The following GRHL3 variants were observed in gnomAD, a reference collection of about 807,000 sequenced individuals.
The protein encoded by GRHL3 is grainyhead like transcription factor 3, also known as grainyhead-like protein 3 homolog.
In GRHL3, 20 loss-of-function variants were observed where a neutral mutation model predicts 70.3. The ratio of observed to expected loss-of-function variants is 0.28; its 90% CI spans 0.20 to 0.41. The LOEUF is 0.41. Among genes scored for constraint, GRHL3 ranks in the 10% least tolerant of loss-of-function variants. The pLI, the probability that GRHL3 is intolerant of heterozygous loss-of-function variation, is 1.00. For synonymous variants in GRHL3, 299 were observed against 299.9 expected (o/e 1.00, Z 0.03); for missense variants, 637 against 762.3 (o/e 0.84, Z 1.94).
chr1:24,319,902 C>T (rs1402799882), intron 1 of GRHL3: 4 of 416,764 alleles, frequency 9.6e-6, no homozygotes, highest in South Asian at 2.6e-5. Flanking sequence ...CCAATCCCAT[C>T]GAGGCTTTCT....
At chr1:24,339,871 C>A in intron 8 of GRHL3, 109 bp downstream of exon 8, 1 of 658,908 alleles carries the variant, frequency 1.5e-6, no homozygotes, top group Non-Finnish European at 2.6e-6. Flanking sequence ...CCGACGAGGG[C>A]ACTCATGGAG....
intron 11 of GRHL3, among the ~76,000 whole-genome samples, chr1:24,344,485 GAAAAAAAAAAAAAAAAA>G (rs57193515): frequency 1.8e-5 from 1 of 55,794 alleles, no homozygotes; most frequent in South Asian, 1.0e-3. Flanking sequence ...TTTCCCCCCA[GAAAAAAAAAAAAAAAAA>G]AAAAAAAAAA....
chr1:24,337,271 A>G, intron 5 of GRHL3, 120 bp downstream of exon 5: 1 of 687,490 alleles, frequency 1.5e-6, no homozygotes, highest in Non-Finnish European at 2.5e-6. Context: ...TGGGGGATGA[A>G]GGCAGATAGA....
At chr1:24,320,398 T>C (rs1639134863) in intron 1 of GRHL3, among the ~76,000 whole-genome samples, 1 of 152,218 alleles carries the variant, frequency 6.6e-6, no homozygotes, top group South Asian at 2.1e-4. Flanking sequence ...GACTGACTGA[T>C]GCTGATCTTC....
In GRHL3 at chr1:24,322,463, G is replaced by T. The variant is rs1487022133; in HGVS notation, c.17+2895G>T. On this transcript the variant is annotated intron_variant, in intron 1 of 15. Transcript: ENST00000361548. The surrounding 1 kb of genome is among the most constrained non-coding windows in gnomAD (Gnocchi z 4.4). The stretch of plus-strand genomic sequence containing the variant: ...ATTGCCAGGAGCAAATTTTTGTCGT[G>T]CACGAGGTGTGTTATTAAAAGTCGG... 1.3e-5 allele frequency among the ~76,000 whole-genome samples: 2 copies of T among 152,258 alleles called. No individual in the cohort carries two copies. Among genetic ancestry groups the T allele is most frequent in the African/African-American group, 4.8e-5 (2 of 41,472 alleles).
chr1:24,364,147 A>G, intron 15 of GRHL3: 1 of 1,470,140 alleles, frequency 6.8e-7, no homozygotes, highest in Non-Finnish European at 9.0e-7. Context: ...TTCCCTGCAA[A>G]CTCGAATTCA....
Position 24,354,521 on chromosome 1 carries a change from C to G in GRHL3, c.*33C>G. 2.2e-6 allele frequency: 3 copies of G among 1,394,578 alleles called. No homozygotes were observed. Among genetic ancestry groups the G allele is most frequent in the Non-Finnish European group, 2.0e-6 (2 of 980,318 alleles). 86.4% of individuals were successfully genotyped at this position (1,394,578 alleles called of 1,614,324 possible). ...CGAGCATCCAAACCCTCACGACCTG[C>G]AAGGGGCCAGCAGGGACGTGGCCCC... On this transcript the variant is annotated 3_prime_UTR_variant, in exon 16 of 16. Coordinates refer to ENST00000361548, the MANE Select transcript of GRHL3 (RefSeq NM_198173.3).
chr1:24,331,011 C>A (rs1053256641), intron 1 of GRHL3, among the ~76,000 whole-genome samples: 1 of 152,242 alleles, frequency 6.6e-6, no homozygotes, highest in Non-Finnish European at 1.5e-5. Flanking sequence ...GTCTTGAGGA[C>A]AACTTCTTCA....
chr1:24,353,987 C>A (rs528592673), intron 15 of GRHL3, among the ~76,000 whole-genome samples: 33 of 152,320 alleles, frequency 2.2e-4, no homozygotes, highest in Non-Finnish European at 3.2e-4. Flanking sequence ...CCCACCACCC[C>A]TCCGGGGCTT....
chr1:24,355,948 T>G (rs1387655859), downstream of GRHL3, among the ~76,000 whole-genome samples: 7 of 151,874 alleles, frequency 4.6e-5, no homozygotes, highest in East Asian at 1.3e-3. Context: ...TCACCCAGGC[T>G]GGAGTGCAGT....
In GRHL3 at chr1:24,322,974, G is replaced by A; in HGVS notation, c.17+3406G>A. On this transcript the variant is annotated intron_variant, in intron 1 of 15. Transcript: ENST00000361548. This position sits in a 1 kb window ranked among gnomAD's most constrained non-coding sequence, Gnocchi z 4.4. ...TCACGGAAGCACTGGGATCTTAACCGGGTCTTAGCCGAGCAGCCATAGGCC... is the reference window on the plus strand; with the variant it reads ...TCACGGAAGCACTGGGATCTTAACCAGGTCTTAGCCGAGCAGCCATAGGCC... 3 of 941,026 alleles carry A rather than the reference G, an allele frequency of 3.2e-6. No homozygotes were observed. Among genetic ancestry groups the A allele is most frequent in the African/African-American group, 1.6e-5 (1 of 60,882 alleles). 58.3% of individuals were successfully genotyped at this position (941,026 alleles called of 1,614,324 possible). A position where few individuals can be genotyped will look rare whatever the true frequency, so the allele number is the denominator to read the frequency against.
chr1:24,320,539 C>T (rs937705932), intron 1 of GRHL3, among the ~76,000 whole-genome samples: 54 of 152,210 alleles, frequency 3.5e-4, no homozygotes, highest in African/African-American at 1.3e-3. Flanking sequence ...TCTCCTTTTC[C>T]TGCCACCCTC....
At chr1:24,336,338 A>G (rs1166791684) in intron 3 of GRHL3, 144 bp from the exon 4 acceptor site, 2 of 574,486 alleles carry the variant, frequency 3.5e-6, no homozygotes, top group East Asian at 2.9e-5. Flanking sequence ...TTGGGCTGCT[A>G]CAGTGTCTTA....
At chr1:24,320,947 A>G (rs1351875582) in intron 1 of GRHL3, among the ~76,000 whole-genome samples, 1 of 152,214 alleles carries the variant, frequency 6.6e-6, no homozygotes, top group Non-Finnish European at 1.5e-5. Flanking sequence ...AGGATTTGAC[A>G]ATTTTAGAAT....
At chr1:24,348,222 G>C (rs1640368907) in intron 14 of GRHL3, among the ~76,000 whole-genome samples, 1 of 152,230 alleles carries the variant, frequency 6.6e-6, no homozygotes, top group Non-Finnish European at 1.5e-5. Context: ...TTTGTTGAAG[G>C]CCCACTATGT....
intron 1 of GRHL3, among the ~76,000 whole-genome samples, chr1:24,323,633 A>G (rs1327549652): frequency 6.6e-6 from 1 of 152,166 alleles, no homozygotes; most frequent in African/African-American, 2.4e-5. Context: ...TACCCACCTC[A>G]CAAGGCATGT....
chr1:24,349,380 G>A (rs1640414332), intron 14 of GRHL3, among the ~76,000 whole-genome samples: 1 of 152,238 alleles, frequency 6.6e-6, no homozygotes. Flanking sequence ...CAACAAATGG[G>A]CTTAATAATT....
intron 13 of GRHL3, 40 bp downstream of exon 13, chr1:24,346,681 C>A: frequency 6.9e-7 from 1 of 1,446,922 alleles, no homozygotes; most frequent in Non-Finnish European, 9.7e-7. Context: ...CAGGCCCACC[C>A]CAGCTCCCAC....
chr1:24,357,850 G>T, downstream of GRHL3: 1 of 303,190 alleles, frequency 3.3e-6, no homozygotes, highest in South Asian at 3.2e-5. Flanking sequence ...ATTCAGTCCC[G>T]CCAGCAGAGA....
Sources: gnomAD v4.1 joint callset for allele counts (sites outside exome capture counted in the v4.1 genomes callset) on GRCh38, gnomAD v4.1.1 for gene constraint, Gnocchi (gnomAD v3.1) non-coding constraint, MANE v1.5 for transcripts, NCBI Gene and HGNC (gene_info 2026-07-23, HGNC 2026-07-21) for gene names.